The following BRCA2 variants were observed in gnomAD, a reference collection of about 807,000 sequenced individuals.
BRCA2 encodes the protein breast cancer type 2 susceptibility protein.
A neutral mutation model predicts 276.7 loss-of-function variants in BRCA2; 203 were observed. The observed-to-expected ratio is 0.73, with a 90% confidence interval of 0.65 to 0.82. BRCA2 has a LOEUF of 0.82. BRCA2 is among the 40% of genes least tolerant of loss of function. The pLI is 0.00. For synonymous variants in BRCA2, 1,289 were observed against 1,338.4 expected (o/e 0.96, Z 0.81); for missense variants, 3,920 against 3,915.0 (o/e 1.00, Z -0.03).
intron 20 of BRCA2, among the ~76,000 whole-genome samples, chr13:32,374,750 C>G (rs2137608148): frequency 6.6e-6 from 1 of 152,310 alleles, no homozygotes; most frequent in South Asian, 2.1e-4. Context: ...TCCAGACTTT[C>G]CCACATCTTC....
intron 24 of BRCA2, among the ~76,000 whole-genome samples, chr13:32,387,284 A>G (rs2072966976): frequency 6.6e-6 from 1 of 152,228 alleles, no homozygotes; most frequent in Admixed American, 6.5e-5. Context: ...GACAATTAGC[A>G]ATCATTATAA....
At position 32,338,306 on chromosome 13, in the gene BRCA2, T is replaced by C. The variant is rs767150281; in HGVS notation, c.3951T>C (p.Thr1317=). The change falls in exon 11 of 27, where the codon ACT becomes ACC. Residue 1317 remains threonine, a synonymous_variant. Coordinates refer to ENST00000380152, the MANE Select transcript of BRCA2 (RefSeq NM_000059.4). ...TTACTGAAAATTACAAGAGAAATAC[T>C]GAAAATGAAGATAACAAATATACTG... ...EEITENYKRN[T]ENEDNKYTAA... 5 of 1,583,344 alleles carry C rather than the reference T, an allele frequency of 3.2e-6. No homozygotes were observed. The South Asian group carries it at 5.9e-5, about 19-fold the overall frequency.
At chr13:32,345,122 A>G (rs1195171407) in intron 12 of BRCA2, among the ~76,000 whole-genome samples, 1 of 152,090 alleles carries the variant, frequency 6.6e-6, no homozygotes, top group African/African-American at 2.4e-5. Context: ...CCCGGCAATA[A>G]GTATTGTCAC....
At chr13:32,344,180 AAAAG>A (rs2072593531) in intron 11 of BRCA2, among the ~76,000 whole-genome samples, 1 of 151,892 alleles carries the variant, frequency 6.6e-6, no homozygotes, top group African/African-American at 2.4e-5. Flanking sequence ...AAAAAAAAAA[AAAAG>A]AGAGAAAAAG....
chr13:32,355,192 A>G lies in BRCA2; in HGVS notation c.7339A>G (p.Asn2447Asp), dbSNP rs4986859. ...TGGACATGGCTCTGATGATAGTAAA[A>G]ATAAGATTAATGACAATGAGATTCA... ...IDGHGSDDSK[N>D]KINDNEIHQF... is the part of the protein sequence containing the mutation. The change falls in exon 14 of 27, where the codon AAT (asparagine) becomes GAT (aspartate). Residue 2447 changes from asparagine (N) to aspartate (D), a missense_variant. Physicochemically the swap from Asn to Asp is conservative, Grantham distance 23. This residue lies in a region of BRCA2 where 3,263 missense variants were observed against 3,156.9 expected (regional missense o/e 1.03). Transcript: ENST00000380152. 2 of 1,613,826 alleles carry G rather than the reference A, an allele frequency of 1.2e-6. No homozygotes were observed. The highest frequency in any genetic ancestry group is 2.7e-5 in the African/African-American group (2 of 75,040).
chr13:32,390,764 A>G (rs1260315430), intron 24 of BRCA2, among the ~76,000 whole-genome samples: 1 of 152,182 alleles, frequency 6.6e-6, no homozygotes, highest in Non-Finnish European at 1.5e-5. Context: ...TAGCCTCAGT[A>G]ATACAATGAT....
intron 26 of BRCA2, 107 bp downstream of exon 26, chr13:32,397,151 A>T: frequency 7.7e-7 from 1 of 1,304,754 alleles, no homozygotes. Flanking sequence ...AAACTTAATT[A>T]GAAAATGTGG....
At chr13:32,390,452 A>G (rs2072989390) in intron 24 of BRCA2, among the ~76,000 whole-genome samples, 2 of 152,236 alleles carry the variant, frequency 1.3e-5, no homozygotes, top group African/African-American at 4.8e-5. Flanking sequence ...AAAAAAAACT[A>G]CTTTAAAACA....
chr13:32,318,957 A>G (rs1433540764), intron 2 of BRCA2, 120 bp from the exon 3 acceptor site: 1 of 1,357,714 alleles, frequency 7.4e-7, no homozygotes, highest in East Asian at 2.3e-5. Context: ...AATATGCCTT[A>G]ACAAAAGTAA....
rs876658942 is a variant in BRCA2, at chr13:32,397,016, T to C, written c.9620T>C (p.Ile3207Thr). ...ACTTCAGGGCCGTACACTGCTCAAATCATTCCTGGTACAGGAAACAAGCTT... is the reference window on the plus strand; with the variant it reads ...ACTTCAGGGCCGTACACTGCTCAAACCATTCCTGGTACAGGAAACAAGCTT... Reference protein sequence around the residue: ...DCTSGPYTAQIIPGTGNKLLM... With the variant: ...DCTSGPYTAQTIPGTGNKLLM... Residue 3207 changes from isoleucine to threonine, a missense_variant, in exon 26 of 27, where the codon ATC (isoleucine) becomes ACC (threonine). By Grantham distance (89) the Ile-to-Thr change is moderately conservative. Transcript: ENST00000380152. 1 of 1,614,104 alleles carries C rather than the reference T, an allele frequency of 6.2e-7. No individual in the cohort carries two copies. Among genetic ancestry groups the C allele is most frequent in the Non-Finnish European group, 8.5e-7 (1 of 1,179,976 alleles).
chr13:32,397,369 T>C (rs1264079285), intron 26 of BRCA2, among the ~76,000 whole-genome samples: 1 of 152,204 alleles, frequency 6.6e-6, no homozygotes, highest in Non-Finnish European at 1.5e-5. Context: ...AGTGGTTAAA[T>C]CACAGTAGAT....
chr13:32,374,340 T>C (rs1310654805), intron 20 of BRCA2, among the ~76,000 whole-genome samples: 2 of 152,212 alleles, frequency 1.3e-5, no homozygotes, highest in African/African-American at 2.4e-5. Context: ...TCCCGGGAAA[T>C]GGATTTTTCT....
intron 7 of BRCA2, among the ~76,000 whole-genome samples, chr13:32,329,069 T>C (rs1044063336): frequency 6.6e-6 from 1 of 152,220 alleles, no homozygotes; most frequent in Non-Finnish European, 1.5e-5. Flanking sequence ...TTTGAAAATA[T>C]GTATTTAATA....
At position 32,339,615 on chromosome 13, in the gene BRCA2, G is replaced by T. The variant is rs771571938; in HGVS notation, c.5260G>T (p.Asp1754Tyr). Residue 1754 changes from aspartate to tyrosine, a missense_variant, in exon 11 of 27, where the codon GAT becomes TAT. By Grantham distance (160) the Asp-to-Tyr change is radical. Around this residue, in one of 2 missense-constraint regions of BRCA2, gnomAD observed 3,263 missense variants for 3,156.9 expected, o/e 1.03. Transcript: ENST00000380152. ...GTCTAACAGCTATTCCTACCATTCT[G>T]ATGAGGTATATAATGATTCAGGATA... ...SMSNSYSYHSDEVYNDSGYLS... is the reference protein window; with the variant it reads ...SMSNSYSYHSYEVYNDSGYLS... 1 of 1,611,592 alleles carries T rather than the reference G, an allele frequency of 6.2e-7. No homozygotes were observed. Among genetic ancestry groups the T allele is most frequent in the African/African-American group, 1.3e-5 (1 of 74,836 alleles).
At chr13:32,396,039 T>G (rs2073034910) in intron 25 of BRCA2, 1 of 201,314 alleles carries the variant, frequency 5.0e-6, no homozygotes, top group African/African-American at 2.8e-5. Flanking sequence ...AATAGCACAA[T>G]CTCGGATCAC....
At position 32,339,178 on chromosome 13, in the gene BRCA2, A is replaced by C. The variant is rs766855850; in HGVS notation, c.4823A>C (p.Glu1608Ala). Reference protein sequence around the residue: ...LNNDKNLVSIETVVPPKLLSD... With the variant: ...LNNDKNLVSIATVVPPKLLSD... ...AATGATAAAAACCTTGTTTCTATTG[A>C]GACTGTGGTGCCACCTAAGCTCTTA... Residue 1608 changes from glutamate to alanine, a missense_variant, in exon 11 of 27, where the codon GAG becomes GCG. This residue lies in a region of BRCA2 where 3,263 missense variants were observed against 3,156.9 expected (regional missense o/e 1.03). Transcript: ENST00000380152. 2 of 1,613,870 alleles carry C rather than the reference A, an allele frequency of 1.2e-6. No individual in the cohort carries two copies. Among genetic ancestry groups the C allele is most frequent in the Non-Finnish European group, 1.7e-6 (2 of 1,179,814 alleles).
rs587782100 is a variant in BRCA2, at chr13:32,332,484, G to A, written c.1006G>A (p.Ala336Thr). 5 of 1,605,254 alleles carry A rather than the reference G, an allele frequency of 3.1e-6. No individual in the cohort carries two copies. Among genetic ancestry groups the A allele is most frequent in the African/African-American group, 1.3e-5 (1 of 74,334 alleles). ...GACTAGGAAAAAAATTTTCCATGAA[G>A]CAAACGCTGATGAATGTGAAAAATC... ...SKTRKKIFHE[A>T]NADECEKSKN... Residue 336 changes from alanine to threonine, a missense_variant, in exon 10 of 27, where the codon GCA becomes ACA. By Grantham distance (58) the Ala-to-Thr change is moderately conservative (BLOSUM62 0). Transcript: ENST00000380152.
At position 32,381,963 on chromosome 13, in the gene BRCA2, G is replaced by A. The variant is rs148539725; in HGVS notation, c.9256+1818G>A. ...TGCCACTTAGAAGGAAAGACTGCAA[G>A]AAAAGCAAGTATGTGGGGAAGTTCA... On this transcript the variant is annotated intron_variant, in intron 24 of 26. Transcript: ENST00000380152. Among the ~76,000 whole-genome samples, 48 of 152,310 alleles carry A rather than the reference G, an allele frequency of 3.2e-4. No individual in the cohort carries two copies. In the East Asian group the frequency reaches 7.5e-3, roughly 24 times the overall value.
chr13:32,370,279 C>T (rs201956814), intron 18 of BRCA2, 123 bp from the exon 19 acceptor site: 1 of 959,650 alleles, frequency 1.0e-6, no homozygotes. Context: ...ACTAATCTTC[C>T]TAAGACTTTT....
Sources: allele counts gnomAD v4.1 joint callset (sites outside exome capture counted in the v4.1 genomes callset), GRCh38; gene constraint gnomAD v4.1.1; regional missense constraint gnomAD v4.1.1; transcripts MANE v1.5; gene names NCBI Gene and HGNC (gene_info 2026-07-23, HGNC 2026-07-21).